Variants in ERN1 observed in about 807,000 individuals in gnomAD.
ERN1 encodes endoplasmic reticulum to nucleus signaling 1, also known as serine/threonine-protein kinase/endoribonuclease IRE1.
In ERN1, 39 loss-of-function variants were observed where a neutral mutation model predicts 113.1. The observed-to-expected ratio is 0.34, with a 90% CI of 0.27 to 0.45. The LOEUF is 0.45. Among genes scored for constraint, ERN1 ranks in the 20% least tolerant of loss-of-function variants. ERN1 has a pLI of 1.00. For missense variants in ERN1, 976 were observed against 1,274.8 expected (o/e 0.77, Z 3.57); for synonymous variants, 507 against 515.9 (o/e 0.98, Z 0.23).
rs1210809483 is a variant in ERN1 at position 64,068,189 on chromosome 17, C to T, written c.580+1G>A. ...TGTGAAATCCAGCAGAGAGCACTTA[C>T]TGTAGTCCACGTCGTCCTCAGGCAG... On this transcript the variant is annotated splice_donor_variant, in intron 7 of 21. Coordinates refer to ENST00000433197, the MANE Select transcript of ERN1 (RefSeq NM_001433.5). LOFTEE classifies it high-confidence loss of function. 6.2e-7 allele frequency: 1 copy of T among 1,602,744 alleles called. No homozygotes were observed. Among genetic ancestry groups the T allele is most frequent in the Non-Finnish European group, 8.5e-7 (1 of 1,173,610 alleles).
intron 5 of ERN1, 70 bp downstream of exon 5, chr17:64,075,105 G>T: frequency 4.6e-6 from 6 of 1,295,418 alleles, no homozygotes; most frequent in East Asian, 2.5e-5. Flanking sequence ...CTCTCTCTCC[G>T]CATGCCACTT....
chr17:64,103,848 C>A (rs1033531724), intron 1 of ERN1, among the ~76,000 whole-genome samples: 5 of 152,112 alleles, frequency 3.3e-5, no homozygotes, highest in Non-Finnish European at 5.9e-5. Context: ...AATGAAATGG[C>A]CTCTAACAAA....
intron 4 of ERN1, among the ~76,000 whole-genome samples, chr17:64,076,423 G>A (rs567560111): frequency 2.6e-5 from 4 of 152,296 alleles, no homozygotes; most frequent in African/African-American, 9.6e-5. Context: ...ACTGGGTTTT[G>A]CCATGTGTTT....
intron 13 of ERN1, among the ~76,000 whole-genome samples, chr17:64,055,104 G>T (rs1055135494): frequency 6.6e-6 from 1 of 152,190 alleles, no homozygotes; most frequent in Non-Finnish European, 1.5e-5. Context: ...TCTCCATAGC[G>T]TTTCACACAC....
chr17:64,060,203 G>C (rs1913007640), intron 11 of ERN1, among the ~76,000 whole-genome samples: 1 of 152,094 alleles, frequency 6.6e-6, no homozygotes, highest in African/African-American at 2.4e-5. Flanking sequence ...GTGCCCTCTT[G>C]CTCCCTCCAC....
In ERN1 at chr17:64,089,423, G is replaced by A. The variant is rs143071711; in HGVS notation, c.176-8615C>T. 4.6e-3 allele frequency among the ~76,000 whole-genome samples: 692 copies of A among 151,030 alleles called. 10 individuals are homozygous for A. Among genetic ancestry groups the A allele is most frequent in the African/African-American group, 0.016 (653 of 41,188 alleles). ...ATGTTCCAAAATCTGAAGCCTGAGC[G>A]CCAACGTGATGTGCAAAGGAAATGC... On this transcript the variant is annotated intron_variant, in intron 2 of 21. Coordinates refer to ENST00000433197, the MANE Select transcript of ERN1 (RefSeq NM_001433.5).
chr17:64,127,241 C>G (rs1161088374), intron 1 of ERN1, among the ~76,000 whole-genome samples: 1 of 152,090 alleles, frequency 6.6e-6, no homozygotes, highest in Non-Finnish European at 1.5e-5. Context: ...ACAGTATTGC[C>G]TCCAATGCAA....
rs1050026706 is a variant in ERN1 at position 64,046,647 on chromosome 17, G to C, written c.2530-1165C>G. Among the ~76,000 whole-genome samples the C allele has an allele frequency of 1.3e-5, 2 of 152,216 alleles. 1 individual carries two copies. Among genetic ancestry groups the C allele is most frequent in the African/African-American group, 4.8e-5 (2 of 41,468 alleles). On this transcript the variant is annotated intron_variant, in intron 19 of 21. Coordinates refer to ENST00000433197, the MANE Select transcript of ERN1 (RefSeq NM_001433.5). ...GTCCTCCCTAGGAGGCAGGGACACA[G>C]TAGTGAATGCAGCAGTCAAGCACTC...
At chr17:64,045,064 G>C in intron 20 of ERN1, 137 bp from the exon 21 acceptor site, 1 of 727,778 alleles carries the variant, frequency 1.4e-6, no homozygotes, top group Admixed American at 2.3e-5. Context: ...CATGGGAGCA[G>C]ATCCTCCCAT....
Position 64,098,139 on chromosome 17 carries a change from T to G in ERN1, c.157A>C (p.Lys53Gln). Reference protein sequence around the residue: ...HAVSKRTGSIKWTLKEDPVLQ... With the variant: ...HAVSKRTGSIQWTLKEDPVLQ... ...AAATTACCTTCTTTTAAAGTCCATT[T>G]GATTGAGCCTGTCCTCTTGCTGACA... The change falls in exon 2 of 22, where the codon AAA (lysine) becomes CAA (glutamine). Residue 53 changes from lysine (K) to glutamine (Q), a missense_variant. Physicochemically the swap from Lys to Gln is moderately conservative, Grantham distance 53. Transcript: ENST00000433197. 1.9e-6 allele frequency: 3 copies of G among 1,614,036 alleles called. No homozygotes were observed. Among genetic ancestry groups the G allele is most frequent in the Non-Finnish European group, 2.5e-6 (3 of 1,179,894 alleles).
At chr17:64,087,523 G>C (rs758450486) in intron 2 of ERN1, among the ~76,000 whole-genome samples, 24 of 152,138 alleles carry the variant, frequency 1.6e-4, no homozygotes, top group Non-Finnish European at 2.8e-4. Flanking sequence ...TCCCTTTTAA[G>C]TGTACCTCTA....
At chr17:64,086,700 G>T (rs1279869764) in intron 2 of ERN1, among the ~76,000 whole-genome samples, 2 of 118,646 alleles carry the variant, frequency 1.7e-5, no homozygotes, top group African/African-American at 6.4e-5. Context: ...AGGCTGGAGT[G>T]CAGTGGCACA....
intron 1 of ERN1, among the ~76,000 whole-genome samples, chr17:64,114,419 A>T (rs1914752850): frequency 6.6e-6 from 1 of 152,208 alleles, no homozygotes; most frequent in African/African-American, 2.4e-5. Context: ...ATGATGTTTG[A>T]GTTAAGATCT....
rs539937393 is a variant in ERN1 at position 64,077,368 on chromosome 17, C to T, written c.283-2121G>A. ...GCTCAGTCAAGTTTCACAAAGTGAA[C>T]ATACCCACGTAACCGGCATCCAGGT... On this transcript the variant is annotated intron_variant, in intron 4 of 21. Coordinates refer to ENST00000433197, the MANE Select transcript of ERN1 (RefSeq NM_001433.5). Among the ~76,000 whole-genome samples, 3 of 152,288 alleles carry T rather than the reference C, an allele frequency of 2.0e-5. No homozygotes were observed. The East Asian group carries it at 5.8e-4, about 29-fold the overall frequency.
At chr17:64,129,861 T>C in intron 1 of ERN1, 115 bp downstream of exon 1, 1 of 1,027,052 alleles carries the variant, frequency 9.7e-7, no homozygotes, top group Non-Finnish European at 1.3e-6. Context: ...ACGGGGCATC[T>C]GGCCGCCGCC....
intron 19 of ERN1, among the ~76,000 whole-genome samples, chr17:64,046,192 C>T (rs1177871320): frequency 1.3e-5 from 2 of 152,186 alleles, no homozygotes; most frequent in Admixed American, 1.3e-4. Context: ...CTCAGAGCAG[C>T]CTTTTCTATG....
chr17:64,124,950 T>A (rs1192861864), intron 1 of ERN1, among the ~76,000 whole-genome samples: 1 of 152,168 alleles, frequency 6.6e-6, no homozygotes. Flanking sequence ...AGTAGATTTG[T>A]GGTTGCCAAG....
intron 2 of ERN1, 29 bp from the exon 3 acceptor site, chr17:64,080,837 C>G (rs1913744515): frequency 6.2e-7 from 1 of 1,602,654 alleles, no homozygotes; most frequent in Non-Finnish European, 8.5e-7. Context: ...AAGCCATCAT[C>G]AGAAACATCC....
chr17:64,052,875 C>T lies in ERN1; in HGVS notation c.2158G>A (p.Val720Met), dbSNP rs753587402. 11 of 1,613,904 alleles carry T rather than the reference C, an allele frequency of 6.8e-6. No homozygotes were observed. The highest frequency in any genetic ancestry group is 8.5e-6 in the Non-Finnish European group (10 of 1,179,898). ...SDFGLCKKLA[V>M]GRHSFSRRSG... ...CGGCGGCTGAAACTGTGTCTGCCCA[C>T]TGCCAGCTTCTTGCAGAGGCCAAAG... Residue 720 changes from valine to methionine, a missense_variant, in exon 17 of 22, where the codon GTG (valine) becomes ATG (methionine). Physicochemically the swap from Val to Met is conservative, Grantham distance 21. Around this residue, in one of 5 missense-constraint regions of ERN1, gnomAD observed 297 missense variants for 457.8 expected, o/e 0.65. Transcript: ENST00000433197.
Sources: allele counts gnomAD v4.1 joint callset (sites outside exome capture counted in the v4.1 genomes callset), GRCh38; gene constraint gnomAD v4.1.1; regional missense constraint gnomAD v4.1.1; transcripts MANE v1.5; gene names NCBI Gene and HGNC (gene_info 2026-07-23, HGNC 2026-07-21).